ZBTB7C: variants seen among roughly 807,000 people sequenced by gnomAD.
ZBTB7C encodes zinc finger and BTB domain containing 7C.
In ZBTB7C, 8 loss-of-function variants were observed where a neutral mutation model predicts 25.7. That is an observed-to-expected ratio of 0.31 (90% CI 0.18 to 0.56). The LOEUF is 0.56. Ranked by LOEUF, ZBTB7C falls within the 20% of genes least tolerant of loss-of-function variation. The pLI, the probability that ZBTB7C is intolerant of heterozygous loss-of-function variation, is 0.91. For synonymous variants in ZBTB7C, 394 were observed against 369.0 expected (o/e 1.07, Z -0.78); for missense variants, 824 against 855.2 (o/e 0.96, Z 0.46).
chr18:48,408,279 C>T (rs2048328146), intron 1 of ZBTB7C: 1 of 152,396 alleles, frequency 6.6e-6, no homozygotes, highest in African/African-American at 2.4e-5. Flanking sequence ...CCTAGTAAAA[C>T]CAGACAAGCA....
chr18:48,355,001 T>C (rs563755301), intron 1 of ZBTB7C, among the ~76,000 whole-genome samples: 1 of 152,168 alleles, frequency 6.6e-6, no homozygotes, highest in Non-Finnish European at 1.5e-5. Flanking sequence ...TGACCCTACA[T>C]GGTGGTACTC....
chr18:48,060,276 TAC>T (rs1269959943), intron 3 of ZBTB7C, among the ~76,000 whole-genome samples: 1 of 152,118 alleles, frequency 6.6e-6, no homozygotes, highest in Non-Finnish European at 1.5e-5. Context: ...ACAAATATGC[TAC>T]AGTTCTCTGG....
intron 2 of ZBTB7C, among the ~76,000 whole-genome samples, chr18:48,301,797 G>A (rs536067321): frequency 2.6e-5 from 4 of 152,328 alleles, no homozygotes; most frequent in African/African-American, 9.6e-5. Context: ...GGTCTTTGCT[G>A]TCTTGAAGGA....
chr18:48,287,845 C>A (rs746061311), intron 2 of ZBTB7C, among the ~76,000 whole-genome samples: 1 of 152,078 alleles, frequency 6.6e-6, no homozygotes, highest in Non-Finnish European at 1.5e-5. Context: ...AGGGAGACAC[C>A]TGATAAAATG....
intron 2 of ZBTB7C, among the ~76,000 whole-genome samples, chr18:48,267,193 C>A (rs906360378): frequency 4.6e-5 from 7 of 152,198 alleles, no homozygotes; most frequent in East Asian, 1.9e-4. Flanking sequence ...CAGATACCCC[C>A]TCAGCACCAC....
chr18:48,388,750 G>GA (rs1379238759), intron 1 of ZBTB7C, among the ~76,000 whole-genome samples: 6 of 151,784 alleles, frequency 4.0e-5, no homozygotes, highest in East Asian at 1.9e-4. Context: ...CCCCTCTTTA[G>GA]AAAAAAATAA....
intron 1 of ZBTB7C, among the ~76,000 whole-genome samples, chr18:48,374,653 T>C (rs1035386183): frequency 1.3e-5 from 2 of 152,230 alleles, no homozygotes; most frequent in Non-Finnish European, 1.5e-5. Flanking sequence ...CAAAATCTGA[T>C]AAGGTGTTCA....
intron 2 of ZBTB7C, among the ~76,000 whole-genome samples, chr18:48,189,346 ATTT>A (rs1442819306): frequency 6.6e-6 from 1 of 151,936 alleles, no homozygotes; most frequent in African/African-American, 2.4e-5. Context: ...AGCATGGGTA[ATTT>A]TTTTTCTATG....
chr18:48,175,375 G>A (rs1018956992), intron 3 of ZBTB7C, among the ~76,000 whole-genome samples: 1 of 152,170 alleles, frequency 6.6e-6, no homozygotes, highest in Non-Finnish European at 1.5e-5. Context: ...TTGGGGAGCC[G>A]AGGTTTCACT....
rs182725066 is a variant in ZBTB7C, at chr18:48,176,195, G to A, written c.-17+9739C>T. On this transcript the variant is annotated intron_variant, in intron 3 of 4. Transcript: ENST00000590800. ...AGAAGAACCAAGAGGGCTTATGCAG[G>A]GTTCTGTCCAAGAATACATAACCTG... Among the ~76,000 whole-genome samples, 207 of 152,248 alleles carry A rather than the reference G, an allele frequency of 1.4e-3. 1 individual carries two copies. Among genetic ancestry groups the A allele is most frequent in the African/African-American group, 4.8e-3 (201 of 41,542 alleles).
At chr18:48,184,348 T>A (rs2145121626) in intron 3 of ZBTB7C, among the ~76,000 whole-genome samples, 1 of 152,306 alleles carries the variant, frequency 6.6e-6, no homozygotes, top group Middle Eastern at 3.4e-3. Flanking sequence ...CAATGTCCAG[T>A]TATGTGCAGC....
intron 3 of ZBTB7C, chr18:48,185,592 T>G (rs1197071272): frequency 1.1e-5 from 2 of 179,052 alleles, no homozygotes; most frequent in Non-Finnish European, 2.4e-5. Flanking sequence ...AACTTAGAAC[T>G]GTACAAACTG....
At chr18:48,250,005 G>A (rs1298994202) in intron 2 of ZBTB7C, among the ~76,000 whole-genome samples, 1 of 152,192 alleles carries the variant, frequency 6.6e-6, no homozygotes, top group Non-Finnish European at 1.5e-5. Context: ...TTATGTGTCT[G>A]AAAGCTGTTA....
At chr18:48,101,590 G>C (rs1305387634) in intron 3 of ZBTB7C, among the ~76,000 whole-genome samples, 1 of 152,144 alleles carries the variant, frequency 6.6e-6, no homozygotes, top group African/African-American at 2.4e-5. Flanking sequence ...CACTGTGCCA[G>C]GCACTGTTCT....
At chr18:48,363,990 CA>C (rs770869575) in intron 1 of ZBTB7C, among the ~76,000 whole-genome samples, 7 of 152,134 alleles carry the variant, frequency 4.6e-5, no homozygotes, top group Non-Finnish European at 8.8e-5. Flanking sequence ...GGCCCAAAAC[CA>C]GACCCACCCA....
intron 3 of ZBTB7C, among the ~76,000 whole-genome samples, chr18:48,050,950 G>C (rs1889964585): frequency 6.6e-6 from 1 of 151,982 alleles, no homozygotes; most frequent in South Asian, 2.1e-4. Flanking sequence ...TGCCTATTTT[G>C]CCAACGAGAA....
intron 2 of ZBTB7C, among the ~76,000 whole-genome samples, chr18:48,190,523 G>T (rs542930836): frequency 1.3e-5 from 2 of 152,164 alleles, no homozygotes. Context: ...CTGAAGCAGT[G>T]CTCAAATCAA....
chr18:48,308,165 A>C lies in ZBTB7C; in HGVS notation c.-79+30009T>G, dbSNP rs551223425. Among the ~76,000 whole-genome samples the C allele has an allele frequency of 1.4e-4, 21 of 152,092 alleles. No homozygotes were observed. The East Asian group carries it at 2.5e-3, about 18-fold the overall frequency. ...ATGCAAGGCCATCCACCACACACCC[A>C]CACACACACAAGATTAGGTATGTAC... is the stretch of plus-strand genomic sequence containing the variant. On this transcript the variant is annotated intron_variant, in intron 2 of 4. Coordinates refer to ENST00000590800, the MANE Select transcript of ZBTB7C (RefSeq NM_001318841.2).
chr18:48,361,178 G>T (rs955343349), intron 1 of ZBTB7C, among the ~76,000 whole-genome samples: 1 of 152,128 alleles, frequency 6.6e-6, no homozygotes, highest in African/African-American at 2.4e-5. Context: ...ACAAGGCTTG[G>T]TGTCCAGAGA....
Sources: gnomAD v4.1 joint callset for allele counts (sites outside exome capture counted in the v4.1 genomes callset) on GRCh38, gnomAD v4.1.1 for gene constraint, MANE v1.5 for transcripts, NCBI Gene and HGNC (gene_info 2026-07-23, HGNC 2026-07-21) for gene names.